The following NKD1 variants were observed in gnomAD, a reference collection of about 807,000 sequenced individuals.
NKD1 encodes the protein NKD inhibitor of Wnt signaling pathway 1.
A neutral mutation model predicts 56.0 loss-of-function variants in NKD1; 21 were observed. The ratio of observed to expected loss-of-function variants is 0.38; its 90% CI spans 0.27 to 0.54. The LOEUF (loss-of-function observed/expected upper bound fraction) is 0.54. Ranked by LOEUF, NKD1 falls within the 20% of genes least tolerant of loss-of-function variation. NKD1 has a pLI of 0.82. For missense variants in NKD1, 578 were observed against 642.7 expected, an observed-to-expected ratio of 0.90 and a Z score of 1.09; for synonymous variants, 263 against 265.7, an observed-to-expected ratio of 0.99 and a Z score of 0.10.
At chr16:50,631,537 A>G (rs1264976968) in intron 8 of NKD1, among the ~76,000 whole-genome samples, 1 of 152,198 alleles carries the variant, frequency 6.6e-6, no homozygotes, top group African/African-American at 2.4e-5. Context: ...AGGGGAAAGA[A>G]AAAACAGTTC....
At chr16:50,573,249 C>T (rs2151267196) in intron 3 of NKD1, among the ~76,000 whole-genome samples, 1 of 152,356 alleles carries the variant, frequency 6.6e-6, no homozygotes, top group Middle Eastern at 3.4e-3. Context: ...CAGCACCACA[C>T]AATCTCAATC....
chr16:50,572,003 C>G (rs1182720503), intron 3 of NKD1, among the ~76,000 whole-genome samples: 1 of 152,236 alleles, frequency 6.6e-6, no homozygotes, highest in Admixed American at 6.5e-5. Context: ...ACATGCCCAA[C>G]TCGGGGCCTT....
chr16:50,620,107 CAGCAA>C (rs1029009240), intron 4 of NKD1, among the ~76,000 whole-genome samples: 6 of 152,402 alleles, frequency 3.9e-5, no homozygotes, highest in African/African-American at 1.4e-4. Context: ...ACTTGGTAAA[CAGCAA>C]GTGCTTAGTC....
At chr16:50,571,294 G>A (rs1360762335) in intron 3 of NKD1, among the ~76,000 whole-genome samples, 3 of 152,198 alleles carry the variant, frequency 2.0e-5, no homozygotes, top group East Asian at 1.9e-4. Flanking sequence ...TGCCTCCTGT[G>A]GGGAGATGTG....
At chr16:50,624,853 G>A (rs1332973658) in intron 5 of NKD1, among the ~76,000 whole-genome samples, 1 of 152,240 alleles carries the variant, frequency 6.6e-6, no homozygotes, top group African/African-American at 2.4e-5. Context: ...GTGTACATGA[G>A]GTGGGAGGTC....
intron 3 of NKD1, among the ~76,000 whole-genome samples, chr16:50,584,072 T>C (rs1961175912): frequency 6.6e-6 from 1 of 152,240 alleles, no homozygotes; most frequent in African/African-American, 2.4e-5. Flanking sequence ...CTCCCACATC[T>C]GCGAGTAGGT....
intron 3 of NKD1, among the ~76,000 whole-genome samples, chr16:50,554,380 G>C (rs1050007284): frequency 1.3e-5 from 2 of 152,210 alleles, no homozygotes; most frequent in South Asian, 2.1e-4. Flanking sequence ...CTGTCCCCGC[G>C]AGGGCAGGAA....
intron 3 of NKD1, among the ~76,000 whole-genome samples, chr16:50,575,582 A>G (rs1169755137): frequency 2.6e-5 from 4 of 152,216 alleles, no homozygotes; most frequent in Non-Finnish European, 5.9e-5. Context: ...AACACTGAGA[A>G]GTAGGTTATG....
intron 3 of NKD1, among the ~76,000 whole-genome samples, chr16:50,576,490 T>A (rs1321728733): frequency 6.6e-6 from 1 of 152,154 alleles, no homozygotes; most frequent in African/African-American, 2.4e-5. Flanking sequence ...GTGCCTTTTG[T>A]TATGTTTCTG....
At position 50,548,719 on chromosome 16, in the gene NKD1, G is replaced by A. The variant is rs1316374689; in HGVS notation, c.28G>A (p.Ala10Thr). MGKLHSKPA[A>T]VCKRRESPEG... ...GCCGCCTCGCGATGTGCCTGCAGCC[G>A]CCGTGTGCAAGCGCAGGGAGAGCCC... Residue 10 changes from alanine to threonine, a missense_variant and splice_region_variant, in exon 2 of 10, where the codon GCC (alanine) becomes ACC (threonine). Transcript: ENST00000268459. 2.7e-6 allele frequency: 4 copies of A among 1,454,694 alleles called. No homozygotes were observed. The highest frequency in any genetic ancestry group is 2.7e-6 in the Non-Finnish European group (3 of 1,112,754). The allele number at this position is 1,454,694 out of a possible 1,614,324, so 90.1% of individuals were successfully genotyped here. A position where few individuals can be genotyped will look rare whatever the true frequency, so the allele number is the denominator to read the frequency against.
chr16:50,554,922 G>C (rs1225173443), intron 3 of NKD1, among the ~76,000 whole-genome samples: 1 of 152,170 alleles, frequency 6.6e-6, no homozygotes. Context: ...ACTTGGCCTT[G>C]TTATTAATTA....
At chr16:50,580,005 A>G (rs1222116199) in intron 3 of NKD1, among the ~76,000 whole-genome samples, 2 of 151,756 alleles carry the variant, frequency 1.3e-5, no homozygotes, top group African/African-American at 4.8e-5. Context: ...TGCTACACAC[A>G]TGCACTCTCT....
rs546909474 is a variant in NKD1 at position 50,574,437 on chromosome 16, T to C, written c.192+24882T>C. 4.1e-6 allele frequency: 4 copies of C among 985,450 alleles called. No homozygotes were observed. In the African/African-American group the frequency reaches 5.2e-5, roughly 13 times the overall value. The allele number at this position is 985,450 out of a possible 1,614,324, so 61.0% of individuals were successfully genotyped here. On this transcript the variant is annotated intron_variant, in intron 3 of 9. Coordinates refer to ENST00000268459, the MANE Select transcript of NKD1 (RefSeq NM_033119.5). ...TAGCCGTCTTCCCCCAGGGACTAAA[T>C]TTAGGATTCCTTGGGACTTGGCTGG...
At chr16:50,618,293 G>T (rs531827890) in intron 4 of NKD1, among the ~76,000 whole-genome samples, 27 of 152,186 alleles carry the variant, frequency 1.8e-4, no homozygotes, top group African/African-American at 4.8e-4. Flanking sequence ...CGGAAAAATG[G>T]CTGGGCTAAA....
intron 3 of NKD1, among the ~76,000 whole-genome samples, chr16:50,570,610 C>T (rs866296910): frequency 3.3e-5 from 5 of 152,188 alleles, no homozygotes; most frequent in South Asian, 2.1e-4. Context: ...GTGCTTAGCT[C>T]GTGAAGCTGT....
At chr16:50,548,623 C>A (rs1339437272) in intron 1 of NKD1, 45 bp downstream of exon 1, 3 of 1,445,046 alleles carry the variant, frequency 2.1e-6, no homozygotes, top group Non-Finnish European at 2.7e-6. Context: ...CCGCCGCCGT[C>A]GCCGCCGCGG....
chr16:50,575,489 C>A, intron 3 of NKD1: 1 of 375,842 alleles, frequency 2.7e-6, no homozygotes, highest in Non-Finnish European at 3.7e-6. Context: ...GCAATATTCC[C>A]CCCAGAAATA....
rs902349022 is a variant in NKD1 at position 50,643,163 on chromosome 16, C to T, written c.*9382C>T. The T allele has an allele frequency of 1.3e-5, 2 of 152,202 alleles. No individual in the cohort carries two copies. Among genetic ancestry groups the T allele is most frequent in the African/African-American group, 2.4e-5 (1 of 41,438 alleles). The allele number at this position is 152,202 out of a possible 1,614,324, so 9.4% of individuals were successfully genotyped here. ...TTGCCCAACTCCTAAGCTGCAGGAT[C>T]GCTGAGGAGTCCACATTGCCATATC... On this transcript the variant is annotated 3_prime_UTR_variant, in exon 10 of 10. Coordinates refer to ENST00000268459, the MANE Select transcript of NKD1 (RefSeq NM_033119.5).
chr16:50,599,504 G>C (rs1410146326), intron 3 of NKD1, among the ~76,000 whole-genome samples: 1 of 152,184 alleles, frequency 6.6e-6, no homozygotes, highest in African/African-American at 2.4e-5. Flanking sequence ...GGCCAAAGTG[G>C]GGGTCATCGC....
Sources: gnomAD v4.1 joint callset for allele counts (sites outside exome capture counted in the v4.1 genomes callset) on GRCh38, gnomAD v4.1.1 for gene constraint, MANE v1.5 for transcripts, NCBI Gene and HGNC (gene_info 2026-07-23, HGNC 2026-07-21) for gene names.